Variants in ADGRL3 observed in about 807,000 individuals in gnomAD.
ADGRL3 encodes the protein adhesion G protein-coupled receptor L3, also known as calcium-independent alpha-latrotoxin receptor 3.
In ADGRL3, 62 loss-of-function variants were observed where a neutral mutation model predicts 153.5. That is an observed-to-expected ratio of 0.40 (90% CI 0.33 to 0.50). The LOEUF (loss-of-function observed/expected upper bound fraction) is 0.50, where lower values mean the gene tolerates loss of function less well. Among genes scored for constraint, ADGRL3 ranks in the 20% least tolerant of loss-of-function variants. The probability of loss-of-function intolerance (pLI) is 0.47; values close to 1 mark genes in which losing one functional copy is unlikely to be tolerated. For synonymous variants in ADGRL3, 710 were observed against 672.5 expected, an observed-to-expected ratio of 1.06 and a Z score of -0.86; for missense variants, 1,641 against 1,859.4, an observed-to-expected ratio of 0.88 and a Z score of 2.16.
intron 15 of ADGRL3, among the ~76,000 whole-genome samples, chr4:61,946,455 T>G (rs1225731928): frequency 3.9e-5 from 6 of 152,212 alleles, no homozygotes; most frequent in Admixed American, 3.3e-4. Flanking sequence ...TAATGAATCT[T>G]ATTTTTAAAT....
At chr4:62,012,880 A>G (rs960120629) in intron 21 of ADGRL3, among the ~76,000 whole-genome samples, 1 of 152,188 alleles carries the variant, frequency 6.6e-6, no homozygotes, top group African/African-American at 2.4e-5. Context: ...ATTAGTATGT[A>G]AAGTTAATTA....
intron 5 of ADGRL3, among the ~76,000 whole-genome samples, chr4:61,669,109 T>C (rs910428871): frequency 1.3e-5 from 2 of 152,226 alleles, no homozygotes. Flanking sequence ...GACAACGTCA[T>C]TAAACTTTTT....
In ADGRL3 at chr4:61,381,293, T is replaced by TTGTGTGTGTGTGTGTG. The variant is rs55767359; in HGVS notation, c.-239-1805_-239-1790dup. Among the ~76,000 whole-genome samples, 136 of 141,472 alleles carry TTGTGTGTGTGTGTGTG rather than the reference T, an allele frequency of 9.6e-4. 2 individuals are homozygous for TTGTGTGTGTGTGTGTG. Among genetic ancestry groups the TTGTGTGTGTGTGTGTG allele is most frequent in the African/African-American group, 3.3e-3 (125 of 37,628 alleles). The allele number at this position is 141,472 out of a possible 152,430, so 92.8% of individuals were successfully genotyped here. On this transcript the variant is annotated intron_variant, in intron 1 of 26. Transcript: ENST00000683033. ...TACAGACAGTTTCCAATAAACAAGT[T>TTGTGTGTGTGTGTGTG]TGTGTGTGTGTGTGTGTGTGTGTGT...
chr4:61,201,564 T>C lies in ADGRL3; in HGVS notation c.-441T>C, dbSNP rs1297989322. The stretch of plus-strand genomic sequence containing the variant: ...AGGGAAGAGAGACTTTTTGTTGTTG[T>C]TTCCTTGACTGGGGTCTCCACCCTC... On this transcript the variant is annotated 5_prime_UTR_variant, in exon 1 of 27. Coordinates refer to ENST00000683033, the MANE Select transcript of ADGRL3 (RefSeq NM_001387552.1). 1 of 152,302 alleles carries C rather than the reference T, an allele frequency of 6.6e-6. No individual in the cohort carries two copies. The allele number at this position is 152,302 out of a possible 1,614,324, so 9.4% of individuals were successfully genotyped here.
intron 15 of ADGRL3, among the ~76,000 whole-genome samples, chr4:61,938,835 A>T: frequency 8.2e-6 from 1 of 122,518 alleles, no homozygotes; most frequent in Non-Finnish European, 1.6e-5. Context: ...CAAACATGGG[A>T]GTTAGATGTT....
intron 22 of ADGRL3, among the ~76,000 whole-genome samples, chr4:62,029,297 A>G (rs116523960): frequency 6.6e-6 from 1 of 151,896 alleles, no homozygotes; most frequent in African/African-American, 2.4e-5. Flanking sequence ...TCTTACGGGT[A>G]TAAAACTACC....
intron 1 of ADGRL3, among the ~76,000 whole-genome samples, chr4:61,330,830 T>C (rs911601439): frequency 6.6e-6 from 1 of 152,128 alleles, no homozygotes; most frequent in African/African-American, 2.4e-5. Context: ...TACAGAGTGC[T>C]GATTGGTGCA....
At chr4:61,709,554 A>T (rs910808978) in intron 6 of ADGRL3, among the ~76,000 whole-genome samples, 3 of 152,198 alleles carry the variant, frequency 2.0e-5, no homozygotes, top group Non-Finnish European at 4.4e-5. Context: ...TTATTTAAAA[A>T]GGGGACTGAA....
intron 11 of ADGRL3, among the ~76,000 whole-genome samples, chr4:61,906,586 A>G (rs921850925): frequency 6.6e-6 from 1 of 152,176 alleles, no homozygotes; most frequent in African/African-American, 2.4e-5. Context: ...CACAGTCTTC[A>G]CATGTCAAAG....
intron 5 of ADGRL3, among the ~76,000 whole-genome samples, chr4:61,661,182 C>G (rs1347988247): frequency 6.6e-6 from 1 of 151,946 alleles, no homozygotes; most frequent in Non-Finnish European, 1.5e-5. Context: ...GTTATCTAAC[C>G]TATTTGCTTT....
chr4:61,794,792 G>C (rs2097387591), intron 8 of ADGRL3, among the ~76,000 whole-genome samples: 1 of 152,204 alleles, frequency 6.6e-6, no homozygotes, highest in Non-Finnish European at 1.5e-5. Flanking sequence ...AAGCCTAAAT[G>C]AGGTAAACCA....
chr4:61,956,886 A>T (rs991711265), intron 17 of ADGRL3, among the ~76,000 whole-genome samples: 2 of 152,044 alleles, frequency 1.3e-5, no homozygotes, highest in African/African-American at 4.8e-5. Flanking sequence ...GTTCTGTTCC[A>T]TTGGTCTATA....
intron 21 of ADGRL3, among the ~76,000 whole-genome samples, chr4:62,015,528 A>G (rs1278927954): frequency 6.6e-6 from 1 of 152,126 alleles, no homozygotes; most frequent in East Asian, 1.9e-4. Context: ...AAGGTAGCAC[A>G]TTTTCTTTGT....
At chr4:61,892,281 T>C (rs2098594386) in intron 9 of ADGRL3, among the ~76,000 whole-genome samples, 1 of 152,054 alleles carries the variant, frequency 6.6e-6, no homozygotes, top group Non-Finnish European at 1.5e-5. Flanking sequence ...CTCCCTTCTA[T>C]ACAAAGTTTG....
At chr4:61,489,355 T>A (rs1253037154) in intron 2 of ADGRL3, among the ~76,000 whole-genome samples, 1 of 148,358 alleles carries the variant, frequency 6.7e-6, no homozygotes, top group Non-Finnish European at 1.5e-5. Context: ...TAGCTTAGTT[T>A]AAAAAAAAAA....
At chr4:61,292,230 A>T (rs940808161) in intron 1 of ADGRL3, among the ~76,000 whole-genome samples, 1 of 152,068 alleles carries the variant, frequency 6.6e-6, no homozygotes, top group African/African-American at 2.4e-5. Context: ...TTCCTGAAAC[A>T]TATTCCTTTT....
Position 61,587,452 on chromosome 4 carries a change from C to G in ADGRL3, c.473+12C>G. On this transcript the variant is annotated intron_variant, in intron 5 of 26. Coordinates refer to ENST00000683033, the MANE Select transcript of ADGRL3 (RefSeq NM_001387552.1). The stretch of plus-strand genomic sequence containing the variant: ...ATTATGTCTCAAAGGTATGATACTT[C>G]TAATATTCTTTTCTTTGTGCACAAT... The G allele has an allele frequency of 6.4e-7, 1 of 1,570,114 alleles. No homozygotes were observed. The highest frequency in any genetic ancestry group is 8.7e-7 in the Non-Finnish European group (1 of 1,142,994).
intron 8 of ADGRL3, among the ~76,000 whole-genome samples, chr4:61,736,423 G>A (rs999052269): frequency 1.4e-4 from 21 of 152,140 alleles, no homozygotes; most frequent in African/African-American, 5.1e-4. Context: ...GGAGGGCAAG[G>A]CGGGCATATC....
At chr4:61,917,409 C>A (rs1234131770) in intron 13 of ADGRL3, among the ~76,000 whole-genome samples, 1 of 152,088 alleles carries the variant, frequency 6.6e-6, no homozygotes, top group Non-Finnish European at 1.5e-5. Context: ...ATATTAAGGT[C>A]ATATCCAAAT....
Sources: gnomAD v4.1 joint callset for allele counts (sites outside exome capture counted in the v4.1 genomes callset) on GRCh38, gnomAD v4.1.1 for gene constraint, MANE v1.5 for transcripts, NCBI Gene and HGNC (gene_info 2026-07-23, HGNC 2026-07-21) for gene names.